Variants in PHF14 observed in about 807,000 individuals in gnomAD.
PHF14 encodes PHD finger protein 14.
PHF14 carries 55 observed loss-of-function variants against 117.9 expected under a neutral mutation model. That is an observed-to-expected ratio of 0.47 (90% CI 0.38 to 0.58). The LOEUF (loss-of-function observed/expected upper bound fraction) is 0.58. Ranked by LOEUF, PHF14 falls within the 20% of genes least tolerant of loss-of-function variation. The probability of loss-of-function intolerance (pLI) is 0.00; values close to 1 mark genes in which losing one functional copy is unlikely to be tolerated. For missense variants in PHF14, 978 were observed against 1,122.2 expected (o/e 0.87, Z 1.84); for synonymous variants, 409 against 368.6 (o/e 1.11, Z -1.26).
chr7:10,992,123 A>G (rs1176700098), intron 4 of PHF14, among the ~76,000 whole-genome samples: 1 of 151,490 alleles, frequency 6.6e-6, no homozygotes, highest in Non-Finnish European at 1.5e-5. Context: ...ACACAATCTC[A>G]GGTCACTGCA....
intron 16 of PHF14, chr7:11,104,569 CAGT>C: frequency 1.0e-6 from 1 of 982,524 alleles, no homozygotes; most frequent in Non-Finnish European, 1.2e-6. Flanking sequence ...GTTTATCACA[CAGT>C]AGGGAAAGGA....
At chr7:11,096,543 G>T (rs139672619) in intron 16 of PHF14, among the ~76,000 whole-genome samples, 1 of 152,018 alleles carries the variant, frequency 6.6e-6, no homozygotes, top group Non-Finnish European at 1.5e-5. Context: ...GTTCATTTAC[G>T]GGTATTTCAT....
At chr7:11,131,909 A>G (rs984211374) in intron 17 of PHF14, among the ~76,000 whole-genome samples, 5 of 151,736 alleles carry the variant, frequency 3.3e-5, no homozygotes, top group East Asian at 1.9e-4. Context: ...TCAAAAGCCA[A>G]TTGCTTTCTT....
At chr7:10,993,378 G>T (rs1338245610) in intron 4 of PHF14, among the ~76,000 whole-genome samples, 1 of 152,106 alleles carries the variant, frequency 6.6e-6, no homozygotes, top group African/African-American at 2.4e-5. Context: ...TGATTCTCTA[G>T]CTAATGCTCT....
rs1452646812 is a variant in PHF14 at position 11,037,271 on chromosome 7, T to A, written c.1980+180T>A. ...CATCACTGTCTCTTACTGAGCACTT[T>A]GTGTGCCAGGCATAATTTTGATCTC... is the stretch of plus-strand genomic sequence containing the variant. On this transcript the variant is annotated intron_variant, in intron 10 of 17. Transcript: ENST00000634607. Among the ~76,000 whole-genome samples, 4 of 152,242 alleles carry A rather than the reference T, an allele frequency of 2.6e-5. No individual in the cohort carries two copies. In the East Asian group the frequency reaches 7.7e-4, roughly 29 times the overall value.
chr7:10,985,117 C>T (rs1000438387), intron 3 of PHF14, among the ~76,000 whole-genome samples: 3 of 151,522 alleles, frequency 2.0e-5, no homozygotes, highest in African/African-American at 7.3e-5. Flanking sequence ...AATTAAAAAA[C>T]TAATCAATTG....
chr7:10,974,442 C>G, intron 1 of PHF14, 118 bp downstream of exon 1: 2 of 869,530 alleles, frequency 2.3e-6, no homozygotes, highest in East Asian at 2.7e-5. Context: ...TTGGTGGACC[C>G]TCGCCCTCCA....
chr7:11,077,187 G>C (rs1305034873), intron 16 of PHF14, among the ~76,000 whole-genome samples: 2 of 151,662 alleles, frequency 1.3e-5, no homozygotes, highest in African/African-American at 4.8e-5. Flanking sequence ...TTGTCTTAAA[G>C]ATCAACACAT....
intron 17 of PHF14, among the ~76,000 whole-genome samples, chr7:11,116,061 T>C (rs193081358): frequency 6.6e-6 from 1 of 152,142 alleles, no homozygotes; most frequent in African/African-American, 2.4e-5. Context: ...AAATATCCTA[T>C]TCCTCATCAA....
intron 17 of PHF14, among the ~76,000 whole-genome samples, chr7:11,155,903 A>C (rs554799979): frequency 4.0e-4 from 61 of 152,158 alleles, no homozygotes; most frequent in African/African-American, 1.5e-3. Flanking sequence ...TTAAAATTTT[A>C]TTTTATAAAA....
chr7:11,134,241 A>G (rs1189403614), intron 17 of PHF14, among the ~76,000 whole-genome samples: 1 of 152,000 alleles, frequency 6.6e-6, no homozygotes, highest in Non-Finnish European at 1.5e-5. Context: ...TTCAAAAAAG[A>G]CCTTAAAATC....
At chr7:11,102,912 A>G in intron 16 of PHF14, 1 of 1,065,936 alleles carries the variant, frequency 9.4e-7, no homozygotes, top group Non-Finnish European at 1.1e-6. Flanking sequence ...GACTTACTGA[A>G]GAGTTACTGA....
intron 16 of PHF14, among the ~76,000 whole-genome samples, chr7:11,072,255 C>T (rs989361785): frequency 6.6e-6 from 1 of 152,038 alleles, no homozygotes; most frequent in Non-Finnish European, 1.5e-5. Context: ...GTGAGAGATG[C>T]TGTATACTTT....
At chr7:11,041,966 G>T in intron 12 of PHF14, among the ~76,000 whole-genome samples, 1 of 151,490 alleles carries the variant, frequency 6.6e-6, no homozygotes, top group Non-Finnish European at 1.5e-5. Flanking sequence ...AGATTTTCAG[G>T]TGATGGTGCT....
chr7:11,167,629 C>G (rs1334388395), intron 17 of PHF14, among the ~76,000 whole-genome samples: 2 of 152,206 alleles, frequency 1.3e-5, no homozygotes, highest in African/African-American at 4.8e-5. Flanking sequence ...TCAAAAATTT[C>G]TTGCCATCCG....
chr7:11,107,626 T>G, intron 16 of PHF14: 2 of 722,614 alleles, frequency 2.8e-6, no homozygotes, highest in Non-Finnish European at 3.4e-6. Context: ...GTTAGTTTTG[T>G]ATTCTTTTTT....
intron 17 of PHF14, among the ~76,000 whole-genome samples, chr7:11,137,987 C>A (rs542021219): frequency 6.6e-6 from 1 of 152,080 alleles, no homozygotes; most frequent in African/African-American, 2.4e-5. Context: ...CATAAACAGA[C>A]CAGCAGTATA....
intron 4 of PHF14, among the ~76,000 whole-genome samples, chr7:11,003,917 T>C (rs1562413943): frequency 6.6e-6 from 1 of 152,172 alleles, no homozygotes; most frequent in Non-Finnish European, 1.5e-5. Flanking sequence ...TGTAGATATA[T>C]GTCCTCTGTG....
At chr7:11,113,028 G>A (rs966861486) in intron 17 of PHF14, among the ~76,000 whole-genome samples, 5 of 152,002 alleles carry the variant, frequency 3.3e-5, no homozygotes, top group African/African-American at 1.2e-4. Context: ...AGTTTAAATA[G>A]TTGTCTTACG....
Sources: gnomAD v4.1 joint callset for allele counts (sites outside exome capture counted in the v4.1 genomes callset) on GRCh38, gnomAD v4.1.1 for gene constraint, MANE v1.5 for transcripts, NCBI Gene and HGNC (gene_info 2026-07-23, HGNC 2026-07-21) for gene names.